SRRM4: variants seen among roughly 807,000 people sequenced by gnomAD.
SRRM4 encodes serine/arginine repetitive matrix protein 4.
SRRM4 carries 33 observed loss-of-function variants against 68.9 expected under a neutral mutation model. The ratio of observed to expected loss-of-function variants is 0.48; its 90% CI spans 0.36 to 0.64. The LOEUF (loss-of-function observed/expected upper bound fraction) is 0.64. SRRM4 is among the 30% of genes least tolerant of loss of function. SRRM4 has a pLI of 0.00. For synonymous variants in SRRM4, 318 were observed against 318.8 expected, an observed-to-expected ratio of 1.00 and a Z score of 0.03; for missense variants, 817 against 827.1, an observed-to-expected ratio of 0.99 and a Z score of 0.15.
chr12:119,152,702 T>C lies in SRRM4; in HGVS notation c.1281-837T>C, dbSNP rs545380983. Among the ~76,000 whole-genome samples the C allele has an allele frequency of 2.6e-5, 4 of 152,300 alleles. No homozygotes were observed. In the East Asian group the frequency reaches 5.8e-4, roughly 22 times the overall value. ...ACTCTTTCTTATATCTCTCAATGCA[T>C]AGCCAAAGCATAAGTTGGCAAAAGC... is the stretch of plus-strand genomic sequence containing the variant. On this transcript the variant is annotated intron_variant, in intron 10 of 12. Coordinates refer to ENST00000267260, the MANE Select transcript of SRRM4 (RefSeq NM_194286.4).
chr12:119,038,009 C>A (rs1336038651), intron 1 of SRRM4, among the ~76,000 whole-genome samples: 2 of 152,050 alleles, frequency 1.3e-5, no homozygotes, highest in African/African-American at 4.8e-5. Context: ...GCTATTATAT[C>A]TATTTATTTG....
chr12:119,085,123 A>T (rs1252923761), intron 1 of SRRM4, among the ~76,000 whole-genome samples: 1 of 152,034 alleles, frequency 6.6e-6, no homozygotes, highest in Non-Finnish European at 1.5e-5. Context: ...CTGGTCTCAA[A>T]CTCCAGACCT....
intron 9 of SRRM4, 83 bp downstream of exon 9, chr12:119,145,768 C>A: frequency 1.7e-6 from 2 of 1,158,488 alleles, no homozygotes; most frequent in Non-Finnish European, 1.1e-6. Flanking sequence ...GCCTCCCCCA[C>A]TCCACCCCCA....
At chr12:119,066,513 G>A (rs1319510811) in intron 1 of SRRM4, among the ~76,000 whole-genome samples, 1 of 152,168 alleles carries the variant, frequency 6.6e-6, no homozygotes, top group Non-Finnish European at 1.5e-5. Flanking sequence ...GTGAATCCTT[G>A]GTTCCCAGCC....
chr12:119,104,963 TC>T (rs1304772523), intron 2 of SRRM4, among the ~76,000 whole-genome samples: 3 of 78,536 alleles, frequency 3.8e-5, no homozygotes, highest in Non-Finnish European at 7.1e-5. Flanking sequence ...ATGCAATCCC[TC>T]CCCCCTCCCC....
intron 1 of SRRM4, among the ~76,000 whole-genome samples, chr12:119,087,370 A>T (rs532994586): frequency 1.3e-5 from 2 of 152,360 alleles, no homozygotes; most frequent in South Asian, 4.1e-4. Flanking sequence ...AGCCAGGAGA[A>T]GGAACAAGGA....
At chr12:119,041,641 T>G (rs1953669626) in intron 1 of SRRM4, among the ~76,000 whole-genome samples, 1 of 152,194 alleles carries the variant, frequency 6.6e-6, no homozygotes, top group South Asian at 2.1e-4. Context: ...AGATCTCTGA[T>G]TTCTTTAGCT....
At chr12:119,111,410 G>C (rs1172448618) in intron 2 of SRRM4, among the ~76,000 whole-genome samples, 1 of 152,150 alleles carries the variant, frequency 6.6e-6, no homozygotes, top group African/African-American at 2.4e-5. Context: ...AAATTCAAGG[G>C]CTTTCTGAGT....
chr12:119,072,069 T>C (rs770941430), intron 1 of SRRM4, among the ~76,000 whole-genome samples: 1 of 152,252 alleles, frequency 6.6e-6, no homozygotes, highest in Non-Finnish European at 1.5e-5. Context: ...AGTTTCTTCA[T>C]CTGTGTAATA....
At chr12:119,138,408 C>G (rs953941976) in intron 8 of SRRM4, among the ~76,000 whole-genome samples, 14 of 152,192 alleles carry the variant, frequency 9.2e-5, no homozygotes, top group African/African-American at 3.1e-4. Context: ...GCATGGCTGA[C>G]TTCCAGCTTC....
chr12:119,065,604 A>C (rs1317825643), intron 1 of SRRM4, among the ~76,000 whole-genome samples: 1 of 152,082 alleles, frequency 6.6e-6, no homozygotes, highest in African/African-American at 2.4e-5. Context: ...GCGTGGTGGC[A>C]AGTGCCTGTA....
chr12:119,013,992 A>G (rs1461454416), intron 1 of SRRM4, among the ~76,000 whole-genome samples: 3 of 152,128 alleles, frequency 2.0e-5, no homozygotes, highest in Admixed American at 1.3e-4. Context: ...TGGTCAAAGT[A>G]CTTGACCATT....
At chr12:119,049,080 A>G (rs904419490) in intron 1 of SRRM4, among the ~76,000 whole-genome samples, 2 of 152,252 alleles carry the variant, frequency 1.3e-5, no homozygotes, top group Non-Finnish European at 2.9e-5. Context: ...ACGAAGCTTA[A>G]ATTTTTGTGG....
At chr12:119,034,658 A>G (rs1274921809) in intron 1 of SRRM4, among the ~76,000 whole-genome samples, 1 of 152,158 alleles carries the variant, frequency 6.6e-6, no homozygotes, top group Non-Finnish European at 1.5e-5. Context: ...AAGCTGTGCC[A>G]TTCAATACAG....
chr12:119,020,150 G>A (rs181627738), intron 1 of SRRM4, among the ~76,000 whole-genome samples: 606 of 152,038 alleles, frequency 4.0e-3, no homozygotes, highest in Non-Finnish European at 5.3e-3. Flanking sequence ...GCACCACCAG[G>A]GTGGTGGTGC....
intron 3 of SRRM4, 78 bp downstream of exon 3, chr12:119,114,442 C>A: frequency 8.2e-7 from 1 of 1,217,598 alleles, no homozygotes; most frequent in Non-Finnish European, 1.2e-6. Flanking sequence ...CAGACAGTGG[C>A]TCCCTCTTGG....
At chr12:119,001,592 C>T (rs1953384450) in intron 1 of SRRM4, 2 of 152,254 alleles carry the variant, frequency 1.3e-5, no homozygotes, top group South Asian at 4.2e-4. Flanking sequence ...TTTTCCCAAG[C>T]CTCACTATGT....
chr12:119,060,501 A>G (rs115834875), intron 1 of SRRM4, among the ~76,000 whole-genome samples: 1 of 151,230 alleles, frequency 6.6e-6, no homozygotes, highest in African/African-American at 2.4e-5. Flanking sequence ...ACCCTCATCC[A>G]TTTACCCAAA....
At chr12:119,045,843 G>A (rs1470945125) in intron 1 of SRRM4, among the ~76,000 whole-genome samples, 1 of 152,000 alleles carries the variant, frequency 6.6e-6, no homozygotes, top group East Asian at 1.9e-4. Context: ...TTCAAGACCA[G>A]CCTGGCCAAT....
Sources: gnomAD v4.1 joint callset for allele counts (sites outside exome capture counted in the v4.1 genomes callset) on GRCh38, gnomAD v4.1.1 for gene constraint, MANE v1.5 for transcripts, NCBI Gene and HGNC (gene_info 2026-07-23, HGNC 2026-07-21) for gene names.